DRC4: variants seen among roughly 807,000 people sequenced by gnomAD.
DRC4 encodes GAS-11.
chr16:90,031,883 G>A, the DRC4 span, among the ~76,000 whole-genome samples: 1 of 152,194 alleles, frequency 6.6e-6, no homozygotes, highest in East Asian at 1.9e-4. Flanking sequence ...GCAGGTGGAT[G>A]CAAGTGAGCA....
chr16:90,027,101 T>G, the DRC4 span, among the ~76,000 whole-genome samples: 1 of 151,292 alleles, frequency 6.6e-6, no homozygotes, highest in Non-Finnish European at 1.5e-5. Context: ...TTTTTTTTTT[T>G]TTGAGATGGA....
At chr16:90,031,364 C>A in the DRC4 span, 2 of 1,612,778 alleles carry the variant, frequency 1.2e-6, no homozygotes, top group South Asian at 1.1e-5. Context: ...GAAACTACTT[C>A]CAGCTGGAGC....
the DRC4 span, among the ~76,000 whole-genome samples, chr16:90,036,030 A>G: frequency 6.6e-6 from 1 of 152,186 alleles, no homozygotes; most frequent in Non-Finnish European, 1.5e-5. Flanking sequence ...CCAATTTCAG[A>G]AGTCTCTGTG....
chr16:90,037,633 T>A, the DRC4 span: 1 of 1,035,048 alleles, frequency 9.7e-7, no homozygotes, highest in Non-Finnish European at 1.5e-6. Flanking sequence ...GAGACTCAGC[T>A]GCTTGTGTCC....
the DRC4 span, chr16:90,037,639 T>A: frequency 9.5e-7 from 1 of 1,057,076 alleles, no homozygotes; most frequent in Non-Finnish European, 1.5e-6. Flanking sequence ...CAGCTGCTTG[T>A]GTCCTGGAAC....
chr16:90,027,708 A>G, the DRC4 span: 52 of 1,612,432 alleles, frequency 3.2e-5, no homozygotes, highest in African/African-American at 5.9e-4. Flanking sequence ...TCCAGAGGAC[A>G]TGAGCAAGGA....
At chr16:90,043,895 C>T in the DRC4 span, 2 of 454,432 alleles carry the variant, frequency 4.4e-6, no homozygotes. Flanking sequence ...CAGGCAGCCT[C>T]CCGCTGCCAG....
chr16:90,019,716 C>T, the DRC4 span: 6 of 628,842 alleles, frequency 9.5e-6, no homozygotes, highest in East Asian at 9.6e-5. The surrounding 1 kb of genome is among the most constrained non-coding windows in gnomAD (Gnocchi z 6.1). Flanking sequence ...TCCGGGGCTC[C>T]TGCGCACTCA....
At chr16:90,042,683 C>T in the DRC4 span, 4 of 676,102 alleles carry the variant, frequency 5.9e-6, no homozygotes, top group Non-Finnish European at 1.1e-5. Context: ...AGGGTGCAGT[C>T]ATAGCCGAGA....
the DRC4 span, chr16:90,031,279 G>T: frequency 1.2e-6 from 2 of 1,610,774 alleles, no homozygotes; most frequent in South Asian, 1.1e-5. Context: ...TGCCTCACCT[G>T]ACCCACTGCA....
chr16:90,039,069 G>A, the DRC4 span, among the ~76,000 whole-genome samples: 2 of 152,242 alleles, frequency 1.3e-5, no homozygotes, highest in South Asian at 2.1e-4. Context: ...CCTGCACGAC[G>A]TGCATTGCTA....
At chr16:90,025,870 CAAAA>C in the DRC4 span, among the ~76,000 whole-genome samples, 3 of 84,704 alleles carry the variant, frequency 3.5e-5, no homozygotes, top group Non-Finnish European at 5.4e-5. Context: ...GACTCCATCT[CAAAA>C]AAAAAAAAAA....
chr16:90,039,181 TG>T, the DRC4 span, among the ~76,000 whole-genome samples: 9 of 152,192 alleles, frequency 5.9e-5, no homozygotes, highest in Non-Finnish European at 1.0e-4. Context: ...CTTCTCCCTG[TG>T]GGTTTTGAGG....
chr16:90,043,377 C>T, the DRC4 span: 12 of 1,592,082 alleles, frequency 7.5e-6, no homozygotes, highest in African/African-American at 1.6e-4. Flanking sequence ...GCCCAGAGAA[C>T]CAGCCTAGGA....
chr16:90,025,870 CAA>C, the DRC4 span, among the ~76,000 whole-genome samples: 125 of 84,658 alleles, frequency 1.5e-3, no homozygotes, highest in African/African-American at 3.0e-3. Flanking sequence ...GACTCCATCT[CAA>C]AAAAAAAAAA....
At chr16:90,024,328 C>G in the DRC4 span, among the ~76,000 whole-genome samples, 1 of 152,018 alleles carries the variant, frequency 6.6e-6, no homozygotes, top group Non-Finnish European at 1.5e-5. Context: ...GTGCACCGGC[C>G]CAGTCAGATT....
the DRC4 span, chr16:90,043,237 G>A: frequency 6.2e-7 from 1 of 1,613,694 alleles, no homozygotes; most frequent in Non-Finnish European, 8.5e-7. Flanking sequence ...CAAAGCTGCT[G>A]GCCTTCGGGA....
chr16:90,029,441 G>T, the DRC4 span: 1 of 735,276 alleles, frequency 1.4e-6, no homozygotes, highest in Non-Finnish European at 2.0e-6. Flanking sequence ...TAAGAAATCT[G>T]AATATTGAGT....
the DRC4 span, chr16:90,044,074 G>T: frequency 2.2e-6 from 1 of 444,506 alleles, no homozygotes. Flanking sequence ...GAATTCAGCA[G>T]CCCAGACTGA....
Sources: gnomAD v4.1 joint callset for allele counts (sites outside exome capture counted in the v4.1 genomes callset) on GRCh38, gnomAD v4.1.1 for gene constraint, Gnocchi (gnomAD v3.1) non-coding constraint, MANE v1.5 for transcripts, NCBI Gene and HGNC (gene_info 2026-07-23, HGNC 2026-07-21) for gene names.